The following GALNT13 variants were observed in gnomAD, a reference collection of about 807,000 sequenced individuals.
GALNT13 encodes the protein UDP-GalNAc:polypeptide N-acetylgalactosaminyltransferase 13.
GALNT13 carries 28 observed loss-of-function variants against 64.2 expected under a neutral mutation model. The ratio of observed to expected loss-of-function variants is 0.44; its 90% CI spans 0.32 to 0.60. The LOEUF (loss-of-function observed/expected upper bound fraction) is 0.60. Ranked by LOEUF, GALNT13 falls within the 20% of genes least tolerant of loss-of-function variation. The pLI is 0.05. For synonymous variants in GALNT13, 214 were observed against 224.6 expected (o/e 0.95, Z 0.42); for missense variants, 577 against 669.8 (o/e 0.86, Z 1.53).
the GALNT13 span, among the ~76,000 whole-genome samples, chr2:153,109,584 G>T: frequency 6.6e-6 from 1 of 152,134 alleles, no homozygotes. Flanking sequence ...GTGTAAAGTA[G>T]CTGGAAATTT....
chr2:153,706,095 C>G, the GALNT13 span, among the ~76,000 whole-genome samples: 6 of 152,018 alleles, frequency 3.9e-5, no homozygotes, highest in Non-Finnish European at 7.4e-5. Context: ...CTCCCGGGTT[C>G]AAGCAATTCT....
intron 2 of GALNT13, among the ~76,000 whole-genome samples, chr2:153,910,703 T>C (rs1688880214): frequency 6.6e-6 from 1 of 152,152 alleles, no homozygotes; most frequent in Non-Finnish European, 1.5e-5. Flanking sequence ...CCCCAAATCA[T>C]TCTGAAGCAG....
the GALNT13 span, among the ~76,000 whole-genome samples, chr2:153,255,923 G>A: frequency 3.3e-5 from 5 of 152,108 alleles, no homozygotes; most frequent in East Asian, 9.7e-4. Flanking sequence ...TTCAACTTTG[G>A]TGAATCTGAC....
the GALNT13 span, among the ~76,000 whole-genome samples, chr2:153,431,164 A>G: frequency 6.6e-6 from 1 of 151,694 alleles, no homozygotes; most frequent in African/African-American, 2.4e-5. Flanking sequence ...AAAAAAAAAC[A>G]AAAAAAGTTG....
chr2:153,169,054 A>C, the GALNT13 span, among the ~76,000 whole-genome samples: 3 of 152,202 alleles, frequency 2.0e-5, no homozygotes, highest in African/African-American at 7.2e-5. Context: ...GGAGAAAAAA[A>C]TATTTTTGCT....
chr2:153,801,054 C>G, the GALNT13 span, among the ~76,000 whole-genome samples: 1 of 152,140 alleles, frequency 6.6e-6, no homozygotes, highest in Non-Finnish European at 1.5e-5. Flanking sequence ...TCTTTGGCAG[C>G]CTTCTAATCT....
intron 3 of GALNT13, among the ~76,000 whole-genome samples, chr2:154,067,949 TC>T (rs1375036870): frequency 5.3e-5 from 8 of 152,140 alleles, no homozygotes; most frequent in African/African-American, 1.9e-4. Context: ...TGGAAGTATT[TC>T]CAAACTGTTC....
the GALNT13 span, among the ~76,000 whole-genome samples, chr2:153,670,569 G>C: frequency 6.6e-6 from 1 of 152,160 alleles, no homozygotes; most frequent in Admixed American, 6.5e-5. Context: ...AAGACCAAAG[G>C]TAGATAAAAC....
At chr2:153,087,320 C>T in the GALNT13 span, among the ~76,000 whole-genome samples, 26 of 152,194 alleles carry the variant, frequency 1.7e-4, no homozygotes, top group African/African-American at 5.8e-4. Flanking sequence ...CTGCATCCCT[C>T]GTATGAAACC....
the GALNT13 span, among the ~76,000 whole-genome samples, chr2:153,796,414 C>G: frequency 6.6e-6 from 1 of 152,122 alleles, no homozygotes; most frequent in Non-Finnish European, 1.5e-5. Flanking sequence ...TGTCATAACT[C>G]AAATGTTTAA....
the GALNT13 span, among the ~76,000 whole-genome samples, chr2:153,756,465 G>T: frequency 6.6e-6 from 1 of 151,956 alleles, no homozygotes; most frequent in Non-Finnish European, 1.5e-5. Flanking sequence ...GTTTACTTTT[G>T]TATCCTTGTA....
chr2:153,733,970 C>T, the GALNT13 span, among the ~76,000 whole-genome samples: 1 of 152,118 alleles, frequency 6.6e-6, no homozygotes, highest in Non-Finnish European at 1.5e-5. Flanking sequence ...TCAATGTCTA[C>T]ATTGTCTTTC....
At chr2:154,150,915 G>A (rs1459695219) in intron 4 of GALNT13, among the ~76,000 whole-genome samples, 2 of 151,968 alleles carry the variant, frequency 1.3e-5, no homozygotes, top group African/African-American at 4.8e-5. Context: ...AGGGTTTTTT[G>A]TGTCTCTATT....
intron 4 of GALNT13, among the ~76,000 whole-genome samples, chr2:154,229,760 T>G (rs149536616): frequency 1.3e-5 from 2 of 152,230 alleles, no homozygotes; most frequent in Non-Finnish European, 2.9e-5. Context: ...GAGAGGGCTT[T>G]GTTCCCTGAA....
intron 11 of GALNT13, among the ~76,000 whole-genome samples, chr2:154,426,022 C>T (rs997445726): frequency 6.6e-6 from 1 of 152,174 alleles, no homozygotes; most frequent in Non-Finnish European, 1.5e-5. Flanking sequence ...TATTATTTCA[C>T]AGTTTGTAAG....
chr2:153,171,633 G>T, the GALNT13 span, among the ~76,000 whole-genome samples: 3 of 152,116 alleles, frequency 2.0e-5, no homozygotes, highest in Non-Finnish European at 4.4e-5. Flanking sequence ...TCTTTTGCTA[G>T]ATATTATTGT....
the GALNT13 span, among the ~76,000 whole-genome samples, chr2:153,492,973 A>C: frequency 6.6e-6 from 1 of 152,168 alleles, no homozygotes; most frequent in Non-Finnish European, 1.5e-5. Context: ...AGAAAATTAA[A>C]TGCTCAAACT....
At chr2:153,233,481 A>AT in the GALNT13 span, among the ~76,000 whole-genome samples, 38,021 of 132,686 alleles carry the variant, frequency 0.29, 5,387 homozygotes, top group Non-Finnish European at 0.38. Flanking sequence ...ATAATACCTT[A>AT]TTTTTAAAAA....
intron 11 of GALNT13, among the ~76,000 whole-genome samples, chr2:154,432,770 AG>A (rs995967339): frequency 3.9e-4 from 59 of 152,268 alleles, no homozygotes; most frequent in African/African-American, 1.4e-3. Flanking sequence ...TTTTAGATTA[AG>A]GGCCCATCTT....
Sources: gnomAD v4.1 joint callset for allele counts (sites outside exome capture counted in the v4.1 genomes callset) on GRCh38, gnomAD v4.1.1 for gene constraint, MANE v1.5 for transcripts, NCBI Gene and HGNC (gene_info 2026-07-23, HGNC 2026-07-21) for gene names.